Variants in MSMP observed in about 807,000 individuals in gnomAD.
MSMP encodes microseminoprotein, prostate associated.
Under a neutral mutation model 15.8 loss-of-function variants are expected in MSMP, and 9 were observed. The observed-to-expected ratio is 0.57, with a 90% CI of 0.34 to 0.99. MSMP has a LOEUF of 0.99. Ranked by LOEUF, MSMP falls within the 50% of genes least tolerant of loss-of-function variation. The pLI, the probability that MSMP is intolerant of heterozygous loss-of-function variation, is 0.02. For missense variants in MSMP, 170 were observed against 173.4 expected (o/e 0.98, Z 0.11); for synonymous variants, 64 against 64.4 (o/e 0.99, Z 0.03).
At position 35,753,704 on chromosome 9, in the gene MSMP, G is replaced by T; in HGVS notation, c.195C>A (p.Phe65Leu). 3.7e-6 allele frequency: 6 copies of T among 1,614,134 alleles called. No individual in the cohort carries two copies. Among genetic ancestry groups the T allele is most frequent in the Non-Finnish European group, 5.1e-6 (6 of 1,180,020 alleles). ...LGESWLRKDCFHCTCLHPVGV... is the reference protein window; with the variant it reads ...LGESWLRKDCLHCTCLHPVGV... ...CAACAGGATGCAGACAGGTGCAATG[G>T]AAACAGTCCTTGCGGAGCCAAGACT... Residue 65 changes from phenylalanine (F) to leucine (L), a missense_variant, in exon 2 of 3, where the codon TTC (phenylalanine) becomes TTA (leucine). Phe to Leu is a conservative substitution (Grantham distance 22). Coordinates refer to ENST00000436428, the MANE Select transcript of MSMP (RefSeq NM_001044264.3). This position sits in a 1 kb window ranked among gnomAD's most constrained non-coding sequence, Gnocchi z 4.2.
chr9:35,754,214 C>A lies in MSMP; in HGVS notation c.-85G>T. 5 of 1,506,624 alleles carry A rather than the reference C, an allele frequency of 3.3e-6. No homozygotes were observed. Among genetic ancestry groups the A allele is most frequent in the Non-Finnish European group, 4.5e-6 (5 of 1,118,044 alleles). The allele number at this position is 1,506,624 out of a possible 1,614,324, so 93.3% of individuals were successfully genotyped here. ...CTCCTTGACTTTGCTTTGCGTTGCT[C>A]CTTGAGTCTTAGTTTCTGTCTTTCT... On this transcript the variant is annotated 5_prime_UTR_variant, in exon 1 of 3. Transcript: ENST00000436428.
At position 35,753,336 on chromosome 9, in the gene MSMP, C is replaced by G; in HGVS notation, c.240-56G>C. On this transcript the variant is annotated intron_variant, in intron 2 of 2. Coordinates refer to ENST00000436428, the MANE Select transcript of MSMP (RefSeq NM_001044264.3). This position sits in a 1 kb window ranked among gnomAD's most constrained non-coding sequence, Gnocchi z 4.2. ...GCACAGTGAAAGGCTGCCTTTATCC[C>G]TGCCCACATGTTCCCTCTCTCACAG... 1 of 1,563,474 alleles carries G rather than the reference C, an allele frequency of 6.4e-7. No individual in the cohort carries two copies. Among genetic ancestry groups the G allele is most frequent in the Non-Finnish European group, 8.7e-7 (1 of 1,151,080 alleles).
chr9:35,753,835 T>G lies in MSMP; in HGVS notation c.131-67A>C. 6.5e-7 allele frequency: 1 copy of G among 1,542,336 alleles called. No homozygotes were observed. Among genetic ancestry groups the G allele is most frequent in the Non-Finnish European group, 8.9e-7 (1 of 1,119,290 alleles). On this transcript the variant is annotated intron_variant, in intron 1 of 2. Coordinates refer to ENST00000436428, the MANE Select transcript of MSMP (RefSeq NM_001044264.3). This position sits in a 1 kb window ranked among gnomAD's most constrained non-coding sequence, Gnocchi z 4.2. Reference sequence around the variant, plus strand: ...ATGAGAGGCAGAGGCTCTTCTGGTCTGGGGTGGAGACAGTAAGTACGCACT... The same window carrying G: ...ATGAGAGGCAGAGGCTCTTCTGGTCGGGGGTGGAGACAGTAAGTACGCACT...
chr9:35,753,297 A>G lies in MSMP; in HGVS notation c.240-17T>C, dbSNP rs73438780. ...TGCTGGGACCTGGGGAACCAAGGAT[A>G]GGGGAAGGAGTCAGCACAGTGAAAG... On this transcript the variant is annotated splice_polypyrimidine_tract_variant and intron_variant, in intron 2 of 2. Coordinates refer to ENST00000436428, the MANE Select transcript of MSMP (RefSeq NM_001044264.3). The surrounding 1 kb of genome is among the most constrained non-coding windows in gnomAD (Gnocchi z 4.2). The G allele has an allele frequency of 0.011, 18,421 of 1,611,042 alleles. 1,106 individuals are homozygous for G. The African/African-American group carries it at 0.17, about 15-fold the overall frequency.
Position 35,753,380 on chromosome 9 carries a change from C to A in MSMP, c.240-100G>T. 2.3e-6 allele frequency: 3 copies of A among 1,331,930 alleles called. No homozygotes were observed. The highest frequency in any genetic ancestry group is 2.7e-5 in the South Asian group (2 of 73,102). The allele number at this position is 1,331,930 out of a possible 1,614,324, so 82.5% of individuals were successfully genotyped here. A position where few individuals can be genotyped will look rare whatever the true frequency, so the allele number is the denominator to read the frequency against. ...CTCACAGTTTTCCCCCCACAGAGCC[C>A]CTTTCAGTGGCCCCTTGGTCCTCCT... On this transcript the variant is annotated intron_variant, in intron 2 of 2. Coordinates refer to ENST00000436428, the MANE Select transcript of MSMP (RefSeq NM_001044264.3). The surrounding 1 kb of genome is among the most constrained non-coding windows in gnomAD (Gnocchi z 4.2).
rs112202528 is a variant in MSMP at position 35,753,265 on chromosome 9, G to A, written c.255C>T (p.Ile85=). The A allele has an allele frequency of 2.9e-5, 46 of 1,613,792 alleles. No individual in the cohort carries two copies. The highest frequency in any genetic ancestry group is 2.3e-4 in the African/African-American group (17 of 75,032). The change falls in exon 3 of 3, where the codon ATC becomes ATT. Residue 85 remains isoleucine (I), a synonymous_variant. Coordinates refer to ENST00000436428, the MANE Select transcript of MSMP (RefSeq NM_001044264.3). This position sits in a 1 kb window ranked among gnomAD's most constrained non-coding sequence, Gnocchi z 4.2. ...GTACCTCACACCCAGCCGGGAAGTC[G>A]ATGGGATGCTGGGACCTGGGGAACC... ...VGCCDTSQHP[I]DFPAGCEVRQ... is the part of the protein sequence containing the mutation.
Position 35,753,922 on chromosome 9 carries a change from C to T in MSMP, c.130+78G>A. On this transcript the variant is annotated intron_variant, in intron 1 of 2. Transcript: ENST00000436428. This position sits in a 1 kb window ranked among gnomAD's most constrained non-coding sequence, Gnocchi z 4.2. ...TGGAGGAAGCCTGGGTATTTTGACA[C>T]GGGATCATCTGTAAGGCCCCATCCT... is the stretch of plus-strand genomic sequence containing the variant. 10 of 1,561,030 alleles carry T rather than the reference C, an allele frequency of 6.4e-6. No individual in the cohort carries two copies. The highest frequency in any genetic ancestry group is 4.5e-5 in the East Asian group (2 of 44,356).
chr9:35,753,257 G>A lies in MSMP; in HGVS notation c.263C>T (p.Pro88Leu), dbSNP rs555637663. ...CDTSQHPIDF[P>L]AGCEVRQEAG... is the part of the protein sequence containing the mutation. ...CTCCTGACGTACCTCACACCCAGCC[G>A]GGAAGTCGATGGGATGCTGGGACCT... Residue 88 changes from proline (P) to leucine (L), a missense_variant, in exon 3 of 3, where the codon CCG (proline) becomes CTG (leucine). Physicochemically the swap from Pro to Leu is moderately conservative, Grantham distance 98. Coordinates refer to ENST00000436428, the MANE Select transcript of MSMP (RefSeq NM_001044264.3). This position sits in a 1 kb window ranked among gnomAD's most constrained non-coding sequence, Gnocchi z 4.2. 29 of 1,613,944 alleles carry A rather than the reference G, an allele frequency of 1.8e-5. No individual in the cohort carries two copies. In the Middle Eastern group the frequency reaches 6.6e-4, roughly 37 times the overall value.
In MSMP at chr9:35,753,695, G is replaced by A. The variant is rs764212556; in HGVS notation, c.204C>T (p.Thr68=). The change falls in exon 2 of 3, where the codon ACC becomes ACT. Residue 68 remains threonine, a synonymous_variant. Transcript: ENST00000436428. This position sits in a 1 kb window ranked among gnomAD's most constrained non-coding sequence, Gnocchi z 4.2. ...AGCCCACGCCAACAGGATGCAGACAGGTGCAATGGAAACAGTCCTTGCGGA... is the reference window on the plus strand; with the variant it reads ...AGCCCACGCCAACAGGATGCAGACAAGTGCAATGGAAACAGTCCTTGCGGA... ...SWLRKDCFHC[T]CLHPVGVGCC... is the part of the protein sequence containing the mutation. 6.2e-7 allele frequency: 1 copy of A among 1,614,126 alleles called. No homozygotes were observed. The highest frequency in any genetic ancestry group is 8.5e-7 in the Non-Finnish European group (1 of 1,180,004).
rs370349002 is a variant in MSMP at position 35,753,256 on chromosome 9, C to T, written c.264G>A (p.Pro88=). The T allele has an allele frequency of 5.8e-5, 94 of 1,613,812 alleles. No homozygotes were observed. The highest frequency in any genetic ancestry group is 1.1e-4 in the South Asian group (10 of 91,076). Residue 88 remains proline, a synonymous_variant, in exon 3 of 3, where the codon CCG becomes CCA. Transcript: ENST00000436428. This position sits in a 1 kb window ranked among gnomAD's most constrained non-coding sequence, Gnocchi z 4.2. The part of the protein sequence containing the change: ...CDTSQHPIDF[P]AGCEVRQEAG... Reference sequence around the variant, plus strand: ...CCTCCTGACGTACCTCACACCCAGCCGGGAAGTCGATGGGATGCTGGGACC... The same window carrying T: ...CCTCCTGACGTACCTCACACCCAGCTGGGAAGTCGATGGGATGCTGGGACC...
chr9:35,753,493 T>G lies in MSMP; in HGVS notation c.239+167A>C. 1.0e-5 allele frequency: 8 copies of G among 776,310 alleles called. No individual in the cohort carries two copies. The highest frequency in any genetic ancestry group is 2.8e-5 in the Admixed American group (1 of 35,214). 48.1% of individuals were successfully genotyped at this position (776,310 alleles called of 1,614,324 possible). A position where few individuals can be genotyped will look rare whatever the true frequency, so the allele number is the denominator to read the frequency against. On this transcript the variant is annotated intron_variant, in intron 2 of 2. Transcript: ENST00000436428. This position sits in a 1 kb window ranked among gnomAD's most constrained non-coding sequence, Gnocchi z 4.2. ...AGGTCCACCCCAACCTCCCCTGATT[T>G]ATAGCCTGAAGCCTTATCTTTCACA...
At position 35,754,088 on chromosome 9, in the gene MSMP, G is replaced by A. The variant is rs1470928663; in HGVS notation, c.42C>T (p.Ile14=). ...AGCAGATGATCCCCCAGCCTCCTAG[G>A]ATCCCCTTGGCCTGTCCAGCCCAGA... ...RMLWAGQAKG[I]LGGWGIICLV... is the part of the protein sequence containing the mutation. The change falls in exon 1 of 3, where the codon ATC becomes ATT. Residue 14 remains isoleucine (I), a synonymous_variant. Transcript: ENST00000436428. 6.2e-7 allele frequency: 1 copy of A among 1,613,702 alleles called. No homozygotes were observed. The highest frequency in any genetic ancestry group is 1.1e-5 in the South Asian group (1 of 91,086).
chr9:35,753,740 A>T lies in MSMP; in HGVS notation c.159T>A (p.Phe53Leu), dbSNP rs1827312126. The change falls in exon 2 of 3, where the codon TTT (phenylalanine) becomes TTA (leucine). Residue 53 changes from phenylalanine (F) to leucine (L), a missense_variant. Physicochemically the swap from Phe to Leu is conservative, Grantham distance 22 (BLOSUM62 0). Transcript: ENST00000436428. The surrounding 1 kb of genome is among the most constrained non-coding windows in gnomAD (Gnocchi z 4.2). ...TGCGGAGCCAAGACTCACCCAGGGTAAAATATTTCCCCTCATAGTGACAGG... is the reference window on the plus strand; with the variant it reads ...TGCGGAGCCAAGACTCACCCAGGGTTAAATATTTCCCCTCATAGTGACAGG... The part of the protein sequence containing the change: ...QAPCHYEGKY[F>L]TLGESWLRKD... 1 of 1,614,000 alleles carries T rather than the reference A, an allele frequency of 6.2e-7. No homozygotes were observed. The highest frequency in any genetic ancestry group is 8.5e-7 in the Non-Finnish European group (1 of 1,179,990).
Position 35,753,357 on chromosome 9 carries a change from C to A in MSMP, c.240-77G>T, listed in dbSNP as rs1473226573. The A allele has an allele frequency of 2.0e-6, 3 of 1,502,722 alleles. No individual in the cohort carries two copies. The Admixed American group carries it at 5.5e-5, about 28-fold the overall frequency. 93.1% of individuals were successfully genotyped at this position (1,502,722 alleles called of 1,614,324 possible). A position where few individuals can be genotyped will look rare whatever the true frequency, so the allele number is the denominator to read the frequency against. On this transcript the variant is annotated intron_variant, in intron 2 of 2. Transcript: ENST00000436428. The surrounding 1 kb of genome is among the most constrained non-coding windows in gnomAD (Gnocchi z 4.2). ...ATCCCTGCCCACATGTTCCCTCTCT[C>A]ACAGTTTTCCCCCCACAGAGCCCCT...
chr9:35,753,642 C>T lies in MSMP; in HGVS notation c.239+18G>A. 6.3e-7 allele frequency: 1 copy of T among 1,593,272 alleles called. No homozygotes were observed. On this transcript the variant is annotated intron_variant, in intron 2 of 2. Transcript: ENST00000436428. The surrounding 1 kb of genome is among the most constrained non-coding windows in gnomAD (Gnocchi z 4.2). The stretch of plus-strand genomic sequence containing the variant: ...CTCATATCAGAGTCATTCTCTCTGG[C>T]CATCTTTGGTCACTCACGTGTCACA...
At position 35,753,781 on chromosome 9, in the gene MSMP, G is replaced by A. The variant is rs371428987; in HGVS notation, c.131-13C>T. On this transcript the variant is annotated splice_polypyrimidine_tract_variant and intron_variant, in intron 1 of 2. Transcript: ENST00000436428. The surrounding 1 kb of genome is among the most constrained non-coding windows in gnomAD (Gnocchi z 4.2). ...TAGTGACAGGGGGCTAGGGAAGAAC[G>A]GGAAATGTTAGTAGGTGTAGGAGTG... is the stretch of plus-strand genomic sequence containing the variant. 4.3e-6 allele frequency: 7 copies of A among 1,610,140 alleles called. No homozygotes were observed. The highest frequency in any genetic ancestry group is 2.7e-5 in the African/African-American group (2 of 74,938).
At position 35,754,091 on chromosome 9, in the gene MSMP, C is replaced by A; in HGVS notation, c.39G>T (p.Gly13=). ...AGATGATCCCCCAGCCTCCTAGGATCCCCTTGGCCTGTCCAGCCCAGAGCA... is the reference window on the plus strand; with the variant it reads ...AGATGATCCCCCAGCCTCCTAGGATACCCTTGGCCTGTCCAGCCCAGAGCA... The part of the protein sequence containing the change: ...LRMLWAGQAK[G]ILGGWGIICL... The change falls in exon 1 of 3, where the codon GGG becomes GGT. Residue 13 remains glycine, a synonymous_variant. Transcript: ENST00000436428. The A allele has an allele frequency of 6.2e-7, 1 of 1,613,694 alleles. No individual in the cohort carries two copies. Among genetic ancestry groups the A allele is most frequent in the Non-Finnish European group, 8.5e-7 (1 of 1,179,798 alleles).
At position 35,753,845 on chromosome 9, in the gene MSMP, A is replaced by T. The variant is rs1827315708; in HGVS notation, c.131-77T>A. On this transcript the variant is annotated intron_variant, in intron 1 of 2. Coordinates refer to ENST00000436428, the MANE Select transcript of MSMP (RefSeq NM_001044264.3). This position sits in a 1 kb window ranked among gnomAD's most constrained non-coding sequence, Gnocchi z 4.2. ...GAGGCTCTTCTGGTCTGGGGTGGAG[A>T]CAGTAAGTACGCACTATCCCCGTAT... The T allele has an allele frequency of 1.3e-6, 2 of 1,530,546 alleles. No individual in the cohort carries two copies. The highest frequency in any genetic ancestry group is 1.8e-6 in the Non-Finnish European group (2 of 1,111,724). 94.8% of individuals were successfully genotyped at this position (1,530,546 alleles called of 1,614,324 possible). A position where few individuals can be genotyped will look rare whatever the true frequency, so the allele number is the denominator to read the frequency against.
At position 35,754,073 on chromosome 9, in the gene MSMP, C is replaced by T. The variant is rs751984313; in HGVS notation, c.57G>A (p.Gly19=). 1 of 1,613,456 alleles carries T rather than the reference C, an allele frequency of 6.2e-7. No homozygotes were observed. Among genetic ancestry groups the T allele is most frequent in the African/African-American group, 1.3e-5 (1 of 74,868 alleles). ...GTAGAGACATCACCAAGCAGATGATCCCCCAGCCTCCTAGGATCCCCTTGG... is the reference window on the plus strand; with the variant it reads ...GTAGAGACATCACCAAGCAGATGATTCCCCAGCCTCCTAGGATCCCCTTGG... The part of the protein sequence containing the change: ...GQAKGILGGW[G]IICLVMSLLL... Residue 19 remains glycine, a synonymous_variant, in exon 1 of 3, where the codon GGG becomes GGA. Coordinates refer to ENST00000436428, the MANE Select transcript of MSMP (RefSeq NM_001044264.3).
Sources: allele counts gnomAD v4.1 joint callset, GRCh38; gene constraint gnomAD v4.1.1; non-coding constraint Gnocchi (gnomAD v3.1); transcripts MANE v1.5; gene names NCBI Gene and HGNC (gene_info 2026-07-23, HGNC 2026-07-21).